The following AKAP13 variants were observed in gnomAD, a reference collection of about 807,000 sequenced individuals.
The protein encoded by AKAP13 is A-kinase anchoring protein 13.
A neutral mutation model predicts 264.5 loss-of-function variants in AKAP13; 80 were observed. That is an observed-to-expected ratio of 0.30 (90% CI 0.25 to 0.36). The LOEUF (loss-of-function observed/expected upper bound fraction) is 0.36, where lower values mean the gene tolerates loss of function less well. Among genes scored for constraint, AKAP13 ranks in the 10% least tolerant of loss-of-function variants. The pLI, the probability that AKAP13 is intolerant of heterozygous loss-of-function variation, is 1.00. For missense variants in AKAP13, 3,712 were observed against 3,435.2 expected (o/e 1.08, Z -2.01); for synonymous variants, 1,380 against 1,250.2 (o/e 1.10, Z -2.19).
In AKAP13 at chr15:85,508,433, G is replaced by A. The variant is rs116333068; in HGVS notation, c.34-12995G>A. Among the ~76,000 whole-genome samples the A allele has an allele frequency of 2.1e-3, 321 of 151,208 alleles. 4 individuals are homozygous for A. Among genetic ancestry groups the A allele is most frequent in the African/African-American group, 7.5e-3 (309 of 41,426 alleles). ...GCTGGGATTACAGACGTGCGCTATC[G>A]TGCCTGGCCTTGTGTAGATTTTTTT... On this transcript the variant is annotated intron_variant, in intron 2 of 36. Coordinates refer to ENST00000394518, the MANE Select transcript of AKAP13 (RefSeq NM_007200.5).
chr15:85,406,477 AT>A (rs2071671924), intron 1 of AKAP13, among the ~76,000 whole-genome samples: 1 of 146,854 alleles, frequency 6.8e-6, no homozygotes, highest in East Asian at 2.0e-4. Flanking sequence ...TATATACCAT[AT>A]TGCTCGTTGC....
intron 5 of AKAP13, among the ~76,000 whole-genome samples, chr15:85,568,226 G>A (rs532417141): frequency 3.4e-3 from 520 of 152,064 alleles, no homozygotes; most frequent in South Asian, 6.4e-3. Context: ...CTGGAGCCCC[G>A]GAGGTTGAGG....
rs113712595 is a variant in AKAP13, at chr15:85,685,808, A to G, written c.5289+935A>G. Among the ~76,000 whole-genome samples the G allele has an allele frequency of 8.1e-3, 1,233 of 152,102 alleles. 9 individuals carry two copies. The highest frequency in any genetic ancestry group is 0.011 in the Non-Finnish European group (758 of 67,998). On this transcript the variant is annotated intron_variant, in intron 16 of 36. Transcript: ENST00000394518. Reference sequence around the variant, plus strand: ...CTAAAGTAACATTTTTTATCTAATTATTTTTCACATGCTCATTATGGAAAT... The same window carrying G: ...CTAAAGTAACATTTTTTATCTAATTGTTTTTCACATGCTCATTATGGAAAT...
Position 85,715,886 on chromosome 15 carries a change from T to C in AKAP13, c.5698T>C (p.Ser1900Pro). 4.3e-6 allele frequency: 7 copies of C among 1,612,976 alleles called. No homozygotes were observed. Among genetic ancestry groups the C allele is most frequent in the Non-Finnish European group, 5.9e-6 (7 of 1,179,786 alleles). ...FANRRSQQSV[S>P]LSKSVSIQNI... ...CAATAGACGATCCCAGCAGAGTGTCTCGCTCTCCAAAAGTGTCTCCATACA... is the reference window on the plus strand; with the variant it reads ...CAATAGACGATCCCAGCAGAGTGTCCCGCTCTCCAAAAGTGTCTCCATACA... The change falls in exon 20 of 37, where the codon TCG becomes CCG. Residue 1900 changes from serine (S) to proline (P), a missense_variant. Coordinates refer to ENST00000394518, the MANE Select transcript of AKAP13 (RefSeq NM_007200.5).
At chr15:85,717,884 C>G in intron 21 of AKAP13, 123 bp from the exon 22 acceptor site, 1 of 927,746 alleles carries the variant, frequency 1.1e-6, no homozygotes. Flanking sequence ...AATATGATCT[C>G]TGTGAATATC....
chr15:85,656,290 T>C (rs1176188932), intron 11 of AKAP13, among the ~76,000 whole-genome samples: 2 of 152,236 alleles, frequency 1.3e-5, no homozygotes, highest in Non-Finnish European at 2.9e-5. Flanking sequence ...TATCATTGTT[T>C]AACCCTCAAG....
At chr15:85,582,950 G>A (rs760437315) in intron 7 of AKAP13, 11 of 985,332 alleles carry the variant, frequency 1.1e-5, no homozygotes, top group Non-Finnish European at 1.3e-5. Flanking sequence ...ACCATGTTCC[G>A]AGGCAGCAAA....
intron 17 of AKAP13, among the ~76,000 whole-genome samples, chr15:85,706,555 C>T (rs961610544): frequency 6.6e-6 from 1 of 152,178 alleles, no homozygotes; most frequent in Non-Finnish European, 1.5e-5. Flanking sequence ...CCAGGACCTA[C>T]GTCAAATTTA....
At chr15:85,490,696 G>A (rs1363424716) in intron 2 of AKAP13, among the ~76,000 whole-genome samples, 1 of 152,190 alleles carries the variant, frequency 6.6e-6, no homozygotes, top group East Asian at 1.9e-4. Context: ...CTGGAGCTGG[G>A]CAATTTATTC....
chr15:85,489,691 TTTATC>T (rs1322409111), intron 2 of AKAP13, among the ~76,000 whole-genome samples: 1 of 152,186 alleles, frequency 6.6e-6, no homozygotes, highest in Admixed American at 6.5e-5. Context: ...GAGAAGAACT[TTTATC>T]TGTCAGTTAA....
intron 8 of AKAP13, among the ~76,000 whole-genome samples, chr15:85,606,090 CTTTTTTTTTTTTTTTT>C (rs369008646): frequency 7.9e-5 from 7 of 88,352 alleles, no homozygotes. Flanking sequence ...GTTTGATCTA[CTTTTTTTTTTTTTTTT>C]TTTTTTTTTT....
At chr15:85,544,296 G>C (rs923002602) in intron 5 of AKAP13, among the ~76,000 whole-genome samples, 42 of 152,150 alleles carry the variant, frequency 2.8e-4, no homozygotes, top group Non-Finnish European at 4.6e-4. Flanking sequence ...TCCTGGTTTA[G>C]TACAAGAGGA....
intron 17 of AKAP13, among the ~76,000 whole-genome samples, chr15:85,694,086 C>A (rs1237648344): frequency 6.6e-6 from 1 of 152,216 alleles, no homozygotes; most frequent in South Asian, 2.1e-4. Context: ...TCAAAATTAT[C>A]CATAACCCCA....
At chr15:85,389,191 A>G (rs1243609987) in intron 1 of AKAP13, among the ~76,000 whole-genome samples, 6 of 152,084 alleles carry the variant, frequency 3.9e-5, no homozygotes, top group East Asian at 1.9e-4. Flanking sequence ...TGGGGCCTCT[A>G]TGCTGATTTC....
In AKAP13 at chr15:85,719,266, G is replaced by T. The variant is rs778163924; in HGVS notation, c.6192G>T (p.Leu2064=). 4 of 1,614,008 alleles carry T rather than the reference G, an allele frequency of 2.5e-6. No homozygotes were observed. The South Asian group carries it at 4.4e-5, about 18-fold the overall frequency. Residue 2064 remains leucine (L), a synonymous_variant, in exon 23 of 37, where the codon CTG becomes CTT. Coordinates refer to ENST00000394518, the MANE Select transcript of AKAP13 (RefSeq NM_007200.5). ...TTCTGGAGCGGAAGAAGGAGTCTCT[G>T]GTGGATAAAAGTGAAAAGAACTTTC... ...QRILERKKES[L]VDKSEKNFLI...
chr15:85,432,691 A>G (rs1395521221), intron 1 of AKAP13, among the ~76,000 whole-genome samples: 1 of 152,206 alleles, frequency 6.6e-6, no homozygotes, highest in Non-Finnish European at 1.5e-5. Context: ...CTAATATAAT[A>G]CAAGGTGAAA....
intron 19 of AKAP13, among the ~76,000 whole-genome samples, chr15:85,711,553 C>T (rs879283537): frequency 2.0e-4 from 31 of 152,016 alleles, no homozygotes; most frequent in Non-Finnish European, 2.4e-4. Context: ...TGTTATTGTA[C>T]GCTATTGTTT....
rs368850464 is a variant in AKAP13, at chr15:85,718,204, C to G, written c.6001+45C>G. On this transcript the variant is annotated intron_variant, in intron 22 of 36. Transcript: ENST00000394518. This position sits in a 1 kb window ranked among gnomAD's most constrained non-coding sequence, Gnocchi z 4.9. ...TCTGATTATATTTGATTTCCATTGTCCAGCATTTTTAAGCAGTAATTTGTT... is the reference window on the plus strand; with the variant it reads ...TCTGATTATATTTGATTTCCATTGTGCAGCATTTTTAAGCAGTAATTTGTT... The G allele has an allele frequency of 3.0e-5, 48 of 1,594,844 alleles. No homozygotes were observed. In the African/African-American group the frequency reaches 6.2e-4, roughly 21 times the overall value.
At position 85,664,614 on chromosome 15, in the gene AKAP13, C is replaced by A; in HGVS notation, c.4851C>A (p.Ser1617=). The change falls in exon 13 of 37, where the codon TCC becomes TCA. Residue 1617 remains serine, a synonymous_variant. Coordinates refer to ENST00000394518, the MANE Select transcript of AKAP13 (RefSeq NM_007200.5). ...TGGAGVGNKP[S]SSLEVSSANA... ...GAGCTGGTGTCGGAAACAAGCCATC[C>A]TCATCTCTAGAAGTAAGCTCTGCAA... The A allele has an allele frequency of 6.2e-7, 1 of 1,613,822 alleles. No individual in the cohort carries two copies. The highest frequency in any genetic ancestry group is 8.5e-7 in the Non-Finnish European group (1 of 1,179,830).
Sources: gnomAD v4.1 joint callset for allele counts (sites outside exome capture counted in the v4.1 genomes callset) on GRCh38, gnomAD v4.1.1 for gene constraint, Gnocchi (gnomAD v3.1) non-coding constraint, MANE v1.5 for transcripts, NCBI Gene and HGNC (gene_info 2026-07-23, HGNC 2026-07-21) for gene names.